SMAD1: variants seen among roughly 807,000 people sequenced by gnomAD.
SMAD1 encodes the protein SMAD family member 1, also known as MAD, mothers against decapentaplegic homolog 1.
A neutral mutation model predicts 41.6 loss-of-function variants in SMAD1; 6 were observed. That is an observed-to-expected ratio of 0.14 (90% confidence interval 0.08 to 0.28). The LOEUF is 0.28. SMAD1 is among the 10% of genes least tolerant of loss of function. SMAD1 has a pLI of 1.00. For synonymous variants in SMAD1, 206 were observed against 203.2 expected (o/e 1.01, Z -0.12); for missense variants, 379 against 582.6 (o/e 0.65, Z 3.60).
intron 4 of SMAD1, chr4:145,546,489 T>G: frequency 1.9e-6 from 1 of 540,334 alleles, no homozygotes. Context: ...TTGGAGAAAA[T>G]TGTTCTCCAA....
At chr4:145,518,569 A>C (rs960118722) in intron 2 of SMAD1, among the ~76,000 whole-genome samples, 2 of 125,850 alleles carry the variant, frequency 1.6e-5, no homozygotes, top group Admixed American at 1.5e-4. Flanking sequence ...AGCCGTACAG[A>C]GTACACCTGG....
intron 2 of SMAD1, among the ~76,000 whole-genome samples, 153 bp downstream of exon 2, chr4:145,515,166 G>C (rs1053871703): frequency 6.6e-6 from 1 of 151,078 alleles, no homozygotes; most frequent in Non-Finnish European, 1.5e-5. Context: ...GTGTGTGTGT[G>C]TGTGTGTGTG....
intron 6 of SMAD1, among the ~76,000 whole-genome samples, chr4:145,557,424 TTGA>T (rs1270707692): frequency 1.3e-5 from 2 of 152,232 alleles, no homozygotes; most frequent in African/African-American, 2.4e-5. Context: ...TTTTATTTTC[TTGA>T]TGATAAAATG....
intron 5 of SMAD1, among the ~76,000 whole-genome samples, chr4:145,547,595 C>T (rs112889271): frequency 6.6e-6 from 1 of 152,066 alleles, no homozygotes; most frequent in Non-Finnish European, 1.5e-5. Context: ...TTTTAGTAAA[C>T]TTGATTATTT....
chr4:145,539,403 C>T (rs76068476), intron 2 of SMAD1, among the ~76,000 whole-genome samples: 3,592 of 152,272 alleles, frequency 0.024, 118 homozygotes, highest in South Asian at 0.12. Flanking sequence ...TAAGCATTAA[C>T]TCTTAAATGT....
intron 4 of SMAD1, among the ~76,000 whole-genome samples, chr4:145,543,887 G>T (rs920719904): frequency 1.3e-5 from 2 of 152,166 alleles, no homozygotes; most frequent in East Asian, 1.9e-4. Flanking sequence ...TGAAGTTAAA[G>T]TACAGTTTGG....
At chr4:145,506,393 A>G (rs1349492391) in intron 1 of SMAD1, among the ~76,000 whole-genome samples, 1 of 152,162 alleles carries the variant, frequency 6.6e-6, no homozygotes, top group Admixed American at 6.5e-5. Flanking sequence ...TGCCTTTCTT[A>G]AAGTACGGAG....
intron 1 of SMAD1, among the ~76,000 whole-genome samples, chr4:145,508,046 T>C (rs1729884274): frequency 6.6e-6 from 1 of 151,922 alleles, no homozygotes; most frequent in African/African-American, 2.4e-5. Context: ...ACCACCTAAC[T>C]GGCTTCTATA....
chr4:145,510,754 C>A lies in SMAD1; in HGVS notation c.-176-3684C>A, dbSNP rs1013046064. Among the ~76,000 whole-genome samples the A allele has an allele frequency of 8.6e-5, 13 of 151,980 alleles. No homozygotes were observed. In the South Asian group the frequency reaches 2.5e-3, roughly 29 times the overall value. ...GATCAAGTTTTTAAACAATTTTTTT[C>A]TGTATCTATTGATTTTTGTTTGCTT... On this transcript the variant is annotated intron_variant, in intron 1 of 6. Transcript: ENST00000302085.
At chr4:145,540,176 CAT>C (rs1376231161) in intron 3 of SMAD1, 115 bp downstream of exon 3, 1 of 1,175,374 alleles carries the variant, frequency 8.5e-7, no homozygotes, top group South Asian at 1.4e-5. Context: ...TGGTATATGA[CAT>C]AGTGCTCTCG....
chr4:145,508,991 G>A (rs374710953), intron 1 of SMAD1, among the ~76,000 whole-genome samples: 1 of 152,094 alleles, frequency 6.6e-6, no homozygotes, highest in South Asian at 2.1e-4. Context: ...ATTTAGGGAG[G>A]GGATACAAAT....
chr4:145,518,106 A>G (rs1232656005), intron 2 of SMAD1, among the ~76,000 whole-genome samples: 1 of 126,556 alleles, frequency 7.9e-6, no homozygotes, highest in African/African-American at 2.5e-5. Flanking sequence ...CTACTAAATC[A>G]AAGTGCAAGA....
In SMAD1 at chr4:145,511,595, C is replaced by T. The variant is rs191764006; in HGVS notation, c.-176-2843C>T. Among the ~76,000 whole-genome samples the T allele has an allele frequency of 3.3e-5, 5 of 152,244 alleles. No homozygotes were observed. The East Asian group carries it at 9.7e-4, about 29-fold the overall frequency. ...TCCATATTTTTAACCCATCTATTAG[C>T]TTGTTATAATTTTTAACTTATTCTC... On this transcript the variant is annotated intron_variant, in intron 1 of 6. Transcript: ENST00000302085.
intron 2 of SMAD1, among the ~76,000 whole-genome samples, chr4:145,537,069 A>G (rs1300566644): frequency 6.6e-6 from 1 of 152,204 alleles, no homozygotes; most frequent in Non-Finnish European, 1.5e-5. Context: ...CTGAAGAACT[A>G]TTCCAGATTA....
At chr4:145,552,079 T>G (rs925474751) in intron 5 of SMAD1, among the ~76,000 whole-genome samples, 2 of 152,240 alleles carry the variant, frequency 1.3e-5, no homozygotes, top group Non-Finnish European at 2.9e-5. Flanking sequence ...TGTATCAAAC[T>G]ATTAATAATT....
At chr4:145,553,129 G>A (rs1057062972) in intron 5 of SMAD1, among the ~76,000 whole-genome samples, 1 of 150,760 alleles carries the variant, frequency 6.6e-6, no homozygotes, top group African/African-American at 2.4e-5. Context: ...GCCCAGGCTG[G>A]TCTTGAACTG....
intron 1 of SMAD1, among the ~76,000 whole-genome samples, chr4:145,501,486 A>T (rs1000984959): frequency 3.9e-5 from 6 of 152,192 alleles, no homozygotes; most frequent in South Asian, 2.1e-4. Flanking sequence ...GAGCTGAAGG[A>T]TCTAAATATA....
At chr4:145,557,067 T>C (rs149125026) in intron 6 of SMAD1, among the ~76,000 whole-genome samples, 1 of 152,200 alleles carries the variant, frequency 6.6e-6, no homozygotes, top group African/African-American at 2.4e-5. Context: ...GAAACAGTGA[T>C]TAAAGGATTA....
chr4:145,547,714 A>G (rs1449106539), intron 5 of SMAD1, among the ~76,000 whole-genome samples: 3 of 152,246 alleles, frequency 2.0e-5, no homozygotes, highest in Non-Finnish European at 2.9e-5. Context: ...TGGAAAACAG[A>G]CATATAAATG....
Sources: allele counts gnomAD v4.1 joint callset (sites outside exome capture counted in the v4.1 genomes callset), GRCh38; gene constraint gnomAD v4.1.1; transcripts MANE v1.5; gene names NCBI Gene and HGNC (gene_info 2026-07-23, HGNC 2026-07-21).